Variants in NR1D2 observed in about 807,000 individuals in gnomAD.
The protein encoded by NR1D2 is nuclear receptor subfamily 1 group D member 2, also known as V-erbA-related protein 1-related.
In NR1D2, 25 loss-of-function variants were observed where a neutral mutation model predicts 52.2. That is an observed-to-expected ratio of 0.48 (90% confidence interval 0.35 to 0.67). The LOEUF (loss-of-function observed/expected upper bound fraction) is 0.67, where lower values mean the gene tolerates loss of function less well. Ranked by LOEUF, NR1D2 falls within the 30% of genes least tolerant of loss-of-function variation. The pLI is 0.01. For missense variants in NR1D2, 681 were observed against 707.2 expected (o/e 0.96, Z 0.42); for synonymous variants, 259 against 230.1 (o/e 1.13, Z -1.14).
chr3:23,953,139 C>T lies in NR1D2; in HGVS notation c.17-1398C>T, dbSNP rs1400251543. On this transcript the variant is annotated intron_variant, in intron 1 of 7. Transcript: ENST00000312521. ...ATCACCTGAGGTCAGGAGTTCGAGACCAGTCTGACCAACATGGTGAAACCC... is the reference window on the plus strand; with the variant it reads ...ATCACCTGAGGTCAGGAGTTCGAGATCAGTCTGACCAACATGGTGAAACCC... Among the ~76,000 whole-genome samples the T allele has an allele frequency of 2.6e-5, 4 of 151,172 alleles. No homozygotes were observed. In the East Asian group the frequency reaches 7.7e-4, roughly 29 times the overall value.
Position 23,978,894 on chromosome 3 carries a change from A to G in NR1D2, c.*1475A>G, listed in dbSNP as rs1706808603. On this transcript the variant is annotated 3_prime_UTR_variant, in exon 8 of 8. Transcript: ENST00000312521. ...TGGACTTGATTAAGTAGATAAGATC[A>G]GCATCTGTTTATGGTAGTAGGAGAA... The G allele has an allele frequency of 6.6e-6, 1 of 152,116 alleles. No homozygotes were observed. The highest frequency in any genetic ancestry group is 2.4e-5 in the African/African-American group (1 of 41,454). The allele number at this position is 152,116 out of a possible 1,614,324, so 9.4% of individuals were successfully genotyped here.
At position 23,945,511 on chromosome 3, in the gene NR1D2, A is replaced by T; in HGVS notation, c.-68A>T. The T allele has an allele frequency of 3.2e-6, 3 of 931,888 alleles. No homozygotes were observed. Among genetic ancestry groups the T allele is most frequent in the Non-Finnish European group, 4.0e-6 (3 of 748,180 alleles). 57.7% of individuals were successfully genotyped at this position (931,888 alleles called of 1,614,324 possible). ...TCCAGCCCGGGGCGGCGCGGCGCTG[A>T]GGCGGCGGCGGCGGCGCTGCCCCCT... On this transcript the variant is annotated 5_prime_UTR_variant, in exon 1 of 8. The change abolishes the stop of an existing upstream ORF in the 5' untranslated region. Coordinates refer to ENST00000312521, the MANE Select transcript of NR1D2 (RefSeq NM_005126.5).
chr3:23,974,127 C>T lies in NR1D2; in HGVS notation c.1544-3096C>T, dbSNP rs186822978. Among the ~76,000 whole-genome samples the T allele has an allele frequency of 4.4e-4, 46 of 104,102 alleles. 1 individual carries two copies. Among genetic ancestry groups the T allele is most frequent in the African/African-American group, 1.5e-3 (38 of 25,848 alleles). The allele number at this position is 104,102 out of a possible 152,430, so 68.3% of individuals were successfully genotyped here. A position where few individuals can be genotyped will look rare whatever the true frequency, so the allele number is the denominator to read the frequency against. On this transcript the variant is annotated intron_variant, in intron 7 of 7. Coordinates refer to ENST00000312521, the MANE Select transcript of NR1D2 (RefSeq NM_005126.5). ...TTTTTTTTTTTTTAAGTAGAAGGGA[C>T]GGGCGAGGTGGCTCATGCCTGTAAT...
chr3:23,965,705 A>T (rs1038910197), intron 6 of NR1D2, among the ~76,000 whole-genome samples: 1 of 152,056 alleles, frequency 6.6e-6, no homozygotes, highest in African/African-American at 2.4e-5. Flanking sequence ...ATTATTTAGG[A>T]TTTGAAATAT....
intron 5 of NR1D2, 75 bp downstream of exon 5, chr3:23,962,680 G>A (rs1429058097): frequency 1.2e-5 from 17 of 1,393,228 alleles, no homozygotes; most frequent in Non-Finnish European, 1.7e-5. Context: ...CGGGAGATAT[G>A]CTAACTTGGG....
In NR1D2 at chr3:23,961,089, T is replaced by C. The variant is rs550691599; in HGVS notation, c.518-888T>C. 1.1e-3 allele frequency among the ~76,000 whole-genome samples: 169 copies of C among 152,288 alleles called. 1 individual carries two copies. Among genetic ancestry groups the C allele is most frequent in the African/African-American group, 3.7e-3 (152 of 41,542 alleles). On this transcript the variant is annotated intron_variant, in intron 4 of 7. Transcript: ENST00000312521. ...TATTTTTCAGTAAGTGCATTTCTAC[T>C]GATTGTGGAATTTTTTTTAAGGATT...
Position 23,962,225 on chromosome 3 carries a change from A to G in NR1D2, c.766A>G (p.Met256Val), listed in dbSNP as rs780455850. ...TTTTGCAAAGGAAGAAGTGATTGGCATGGTGACCAGAGCTCACAAGGATAC... is the reference window on the plus strand; with the variant it reads ...TTTTGCAAAGGAAGAAGTGATTGGCGTGGTGACCAGAGCTCACAAGGATAC... The part of the protein sequence containing the change: ...SDFAKEEVIG[M>V]VTRAHKDTFM... The change falls in exon 5 of 8, where the codon ATG (methionine) becomes GTG (valine). Residue 256 changes from methionine to valine, a missense_variant. Physicochemically the swap from Met to Val is conservative, Grantham distance 21 (BLOSUM62 1). Around this residue, in one of 3 missense-constraint regions of NR1D2, gnomAD observed 475 missense variants for 454.5 expected, o/e 1.05. Transcript: ENST00000312521. 1.2e-6 allele frequency: 2 copies of G among 1,614,218 alleles called. No individual in the cohort carries two copies. The highest frequency in any genetic ancestry group is 2.2e-5 in the South Asian group (2 of 91,084).
intron 3 of NR1D2, among the ~76,000 whole-genome samples, chr3:23,958,820 G>A (rs1244171394): frequency 2.0e-5 from 3 of 151,914 alleles, no homozygotes; most frequent in African/African-American, 4.8e-5. Context: ...ATGGTGGCAC[G>A]TGCCTGTAAT....
At chr3:23,949,984 A>G (rs970039988) in intron 1 of NR1D2, among the ~76,000 whole-genome samples, 2 of 152,188 alleles carry the variant, frequency 1.3e-5, no homozygotes, top group Non-Finnish European at 2.9e-5. Context: ...TAGCCTGGGA[A>G]CCTGGCCCAG....
chr3:23,977,717 A>G lies in NR1D2; in HGVS notation c.*298A>G, dbSNP rs559335670. ...TTTTCATCTGCCAAAACCAAAAACC[A>G]TTTTGATCTCCCTGTGGTTATCAAT... On this transcript the variant is annotated 3_prime_UTR_variant, in exon 8 of 8. Transcript: ENST00000312521. The G allele has an allele frequency of 6.5e-5, 14 of 214,900 alleles. No homozygotes were observed. In the East Asian group the frequency reaches 1.3e-3, roughly 20 times the overall value. The allele number at this position is 214,900 out of a possible 1,614,324, so 13.3% of individuals were successfully genotyped here.
chr3:23,946,137 G>T, intron 1 of NR1D2: 2 of 985,162 alleles, frequency 2.0e-6, no homozygotes, highest in South Asian at 4.7e-5. Flanking sequence ...TCCCCCGCGG[G>T]GTTGCACACT....
intron 1 of NR1D2, among the ~76,000 whole-genome samples, chr3:23,947,201 T>G (rs1218808770): frequency 2.0e-5 from 3 of 152,218 alleles, no homozygotes; most frequent in African/African-American, 7.2e-5. Context: ...TAACCCACCC[T>G]TTAGCATGAA....
At chr3:23,965,306 C>A in intron 6 of NR1D2, 144 bp downstream of exon 6, 1 of 585,732 alleles carries the variant, frequency 1.7e-6, no homozygotes, top group Non-Finnish European at 2.7e-6. Flanking sequence ...GCAGCGCGAT[C>A]ATAGCTCACT....
intron 3 of NR1D2, among the ~76,000 whole-genome samples, chr3:23,957,807 T>G (rs1706126421): frequency 6.6e-6 from 1 of 152,188 alleles, no homozygotes; most frequent in African/African-American, 2.4e-5. Context: ...CTGAATGAGC[T>G]GATTGCATAT....
chr3:23,949,425 C>T (rs1705864581), intron 1 of NR1D2, among the ~76,000 whole-genome samples: 1 of 151,672 alleles, frequency 6.6e-6, no homozygotes, highest in South Asian at 2.1e-4. Context: ...TAAAAAATGT[C>T]TCTTTTGATG....
At chr3:23,949,296 C>T (rs772092443) in intron 1 of NR1D2, among the ~76,000 whole-genome samples, 1 of 151,292 alleles carries the variant, frequency 6.6e-6, no homozygotes, top group Non-Finnish European at 1.5e-5. Flanking sequence ...ACCGAGGAGG[C>T]GGAGGTGGCA....
chr3:23,971,762 A>G (rs1419425739), intron 7 of NR1D2, among the ~76,000 whole-genome samples: 1 of 151,368 alleles, frequency 6.6e-6, no homozygotes, highest in Non-Finnish European at 1.5e-5. Flanking sequence ...GTTCAAAGAC[A>G]GTTTTTTCTT....
intron 7 of NR1D2, among the ~76,000 whole-genome samples, chr3:23,972,657 C>T (rs1348702906): frequency 6.6e-6 from 1 of 152,124 alleles, no homozygotes; most frequent in African/African-American, 2.4e-5. Context: ...GGAGTACAAG[C>T]TTGGGAGTGC....
At position 23,976,750 on chromosome 3, in the gene NR1D2, TAGTAGG is replaced by T. The variant is rs541371928; in HGVS notation, c.1544-470_1544-465del. Among the ~76,000 whole-genome samples the T allele has an allele frequency of 2.2e-3, 329 of 152,248 alleles. 1 individual carries two copies. Among genetic ancestry groups the T allele is most frequent in the Non-Finnish European group, 3.5e-3 (237 of 68,012 alleles). On this transcript the variant is annotated intron_variant, in intron 7 of 7. Transcript: ENST00000312521. ...AGAAGTTAGTAAGTCTAGGTCCACT[TAGTAGG>T]AGGAGGTTGCGCAAGGGTGCGAATA...
Sources: allele counts gnomAD v4.1 joint callset (sites outside exome capture counted in the v4.1 genomes callset), GRCh38; gene constraint gnomAD v4.1.1; regional missense constraint gnomAD v4.1.1; transcripts MANE v1.5; gene names NCBI Gene and HGNC (gene_info 2026-07-23, HGNC 2026-07-21).